SPRYD3: variants seen among roughly 807,000 people sequenced by gnomAD.
SPRYD3 encodes SPRY domain containing 3, also known as SPRY domain-containing protein 3.
In SPRYD3, 17 loss-of-function variants were observed where a neutral mutation model predicts 50.1. The observed-to-expected ratio is 0.34, with a 90% confidence interval of 0.23 to 0.51. SPRYD3 has a LOEUF of 0.51. Among genes scored for constraint, SPRYD3 ranks in the 20% least tolerant of loss-of-function variants. The pLI is 0.97. For synonymous variants in SPRYD3, 198 were observed against 215.5 expected, an observed-to-expected ratio of 0.92 and a Z score of 0.71; for missense variants, 401 against 591.2, an observed-to-expected ratio of 0.68 and a Z score of 3.34.
chr12:53,068,068 G>T, intron 7 of SPRYD3, 87 bp downstream of exon 7: 1 of 1,512,850 alleles, frequency 6.6e-7, no homozygotes, highest in Non-Finnish European at 9.1e-7. Flanking sequence ...GGCTCCCCTG[G>T]TTTCTCCTAA....
chr12:53,066,273 A>G, intron 10 of SPRYD3, 41 bp downstream of exon 10: 1 of 1,598,892 alleles, frequency 6.3e-7, no homozygotes, highest in Non-Finnish European at 8.5e-7. Flanking sequence ...CTTTGCCCAG[A>G]CCCAAAAACC....
intron 8 of SPRYD3, 54 bp downstream of exon 8, chr12:53,067,594 C>T (rs1408139885): frequency 1.9e-6 from 3 of 1,540,476 alleles, no homozygotes; most frequent in African/African-American, 2.7e-5. Flanking sequence ...GTGGATGTCC[C>T]TATGCCTCCA....
chr12:53,076,201 C>T (rs1457813543), intron 2 of SPRYD3, among the ~76,000 whole-genome samples: 1 of 152,208 alleles, frequency 6.6e-6, no homozygotes, highest in Admixed American at 6.5e-5. Flanking sequence ...GGTCTCTATC[C>T]TCTTTACCAA....
Position 53,074,721 on chromosome 12 carries a change from A to G in SPRYD3, c.435T>C (p.Ile145=). 6.2e-7 allele frequency: 1 copy of G among 1,614,272 alleles called. No individual in the cohort carries two copies. The highest frequency in any genetic ancestry group is 8.5e-7 in the Non-Finnish European group (1 of 1,180,052). ...FGSKCNSGDR[I]GCGIEPVSFD... ...AGGACACAGGCTCAATGCCACAGCC[A>G]ATCCGGTCCCCGGAGTTGCACTTTG... The change falls in exon 5 of 11, where the codon ATT becomes ATC. Residue 145 remains isoleucine, a synonymous_variant. Transcript: ENST00000301463. The surrounding 1 kb of genome is among the most constrained non-coding windows in gnomAD (Gnocchi z 4.6).
chr12:53,072,275 G>A (rs1438493105), intron 6 of SPRYD3, among the ~76,000 whole-genome samples: 3 of 152,178 alleles, frequency 2.0e-5, no homozygotes, highest in African/African-American at 7.2e-5. Context: ...AGACGGGGGT[G>A]CAGAGTGTCA....
chr12:53,071,406 G>A (rs904784093), intron 6 of SPRYD3, among the ~76,000 whole-genome samples: 2 of 152,122 alleles, frequency 1.3e-5, no homozygotes, highest in African/African-American at 4.8e-5. Flanking sequence ...ACCTCACTTT[G>A]CGAGGCCTGG....
intron 10 of SPRYD3, 21 bp from the exon 11 acceptor site, chr12:53,065,987 A>C: frequency 6.2e-7 from 1 of 1,607,974 alleles, no homozygotes; most frequent in Non-Finnish European, 8.5e-7. Context: ...GGTGGGGAGA[A>C]GAATGGAGCA....
chr12:53,078,577 A>G (rs1287683885), intron 1 of SPRYD3, among the ~76,000 whole-genome samples: 1 of 152,088 alleles, frequency 6.6e-6, no homozygotes, highest in Non-Finnish European at 1.5e-5. Context: ...TCAAGAACAG[A>G]TGTGGGCAAA....
At chr12:53,069,519 C>T (rs901595691) in intron 6 of SPRYD3, among the ~76,000 whole-genome samples, 1 of 152,218 alleles carries the variant, frequency 6.6e-6, no homozygotes, top group Non-Finnish European at 1.5e-5. Context: ...GAGCGGGGTG[C>T]TACTAACCCC....
rs201329663 is a variant in SPRYD3 at position 53,065,970 on chromosome 12, G to C, written c.1195-4C>G. The C allele has an allele frequency of 6.2e-7, 1 of 1,611,564 alleles. No homozygotes were observed. ...TGCCATTCCGAGTGAAGAAAACCTG[G>C]GGAGGAGGTGGGGAGAAGAATGGAG... is the stretch of plus-strand genomic sequence containing the variant. On this transcript the variant is annotated splice_region_variant and splice_polypyrimidine_tract_variant and intron_variant, in intron 10 of 10. Coordinates refer to ENST00000301463, the MANE Select transcript of SPRYD3 (RefSeq NM_032840.3).
intron 6 of SPRYD3, chr12:53,073,081 A>C: frequency 2.2e-6 from 1 of 464,056 alleles, no homozygotes; most frequent in Non-Finnish European, 3.9e-6. Context: ...AAGAGGAGGA[A>C]GTGAAGAAAA....
At chr12:53,073,660 C>T (rs1039435516) in intron 5 of SPRYD3, among the ~76,000 whole-genome samples, 189 bp from the exon 6 acceptor site, 2 of 151,798 alleles carry the variant, frequency 1.3e-5, no homozygotes, top group Non-Finnish European at 2.9e-5. Context: ...CTGGCTAACA[C>T]GGTGAAACCC....
rs1565618468 is a variant in SPRYD3, at chr12:53,074,579, T to G, written c.507+70A>C. On this transcript the variant is annotated intron_variant, in intron 5 of 10. Coordinates refer to ENST00000301463, the MANE Select transcript of SPRYD3 (RefSeq NM_032840.3). This position sits in a 1 kb window ranked among gnomAD's most constrained non-coding sequence, Gnocchi z 4.6. ...GGGCAAGCCCCAGCCAGCAGACTCT[T>G]CCTAATCACTCCCCACAAATCCTTG... is the stretch of plus-strand genomic sequence containing the variant. The G allele has an allele frequency of 2.5e-6, 4 of 1,598,626 alleles. No individual in the cohort carries two copies. The highest frequency in any genetic ancestry group is 2.2e-5 in the East Asian group (1 of 44,810).
At chr12:53,072,067 A>G (rs1944553737) in intron 6 of SPRYD3, among the ~76,000 whole-genome samples, 1 of 152,212 alleles carries the variant, frequency 6.6e-6, no homozygotes, top group Non-Finnish European at 1.5e-5. Context: ...AGGCAGAGAA[A>G]GGATGCCAGG....
intron 6 of SPRYD3, among the ~76,000 whole-genome samples, chr12:53,068,919 G>A (rs886554161): frequency 1.6e-4 from 24 of 152,138 alleles, no homozygotes; most frequent in African/African-American, 4.8e-4. Flanking sequence ...GGAGCCCAGG[G>A]ACCCAGAACG....
intron 5 of SPRYD3, among the ~76,000 whole-genome samples, chr12:53,073,745 G>A (rs1406197687): frequency 6.6e-6 from 1 of 151,832 alleles, no homozygotes; most frequent in Non-Finnish European, 1.5e-5. Context: ...TCGGGAGGCT[G>A]AGGCAGGAGA....
rs148426166 is a variant in SPRYD3 at position 53,078,353 on chromosome 12, G to T, written c.23+958C>A. 2.5e-3 allele frequency among the ~76,000 whole-genome samples: 383 copies of T among 152,032 alleles called. 2 individuals carry two copies. The highest frequency in any genetic ancestry group is 8.8e-3 in the African/African-American group (364 of 41,426). On this transcript the variant is annotated intron_variant, in intron 1 of 10. Coordinates refer to ENST00000301463, the MANE Select transcript of SPRYD3 (RefSeq NM_032840.3). Reference sequence around the variant, plus strand: ...AATACAAACAAATTAGCCAGGCGTGGTGGTGCGCACCTGTAATCCCAGCTA... The same window carrying T: ...AATACAAACAAATTAGCCAGGCGTGTTGGTGCGCACCTGTAATCCCAGCTA...
At chr12:53,067,581 A>C in intron 8 of SPRYD3, 67 bp downstream of exon 8, 1 of 1,487,258 alleles carries the variant, frequency 6.7e-7, no homozygotes. Flanking sequence ...AGGAGAGGGG[A>C]AAGTGGATGT....
chr12:53,075,890 T>TGCAGGGTAAGGGTGGG, intron 2 of SPRYD3, 79 bp from the exon 3 acceptor site: 2 of 1,140,884 alleles, frequency 1.8e-6, no homozygotes, highest in Non-Finnish European at 2.6e-6. Context: ...CTCCCACCCT[T>TGCAGGGTAAGGGTGGG]ACCCTGCAAG....
Sources: allele counts gnomAD v4.1 joint callset (sites outside exome capture counted in the v4.1 genomes callset), GRCh38; gene constraint gnomAD v4.1.1; non-coding constraint Gnocchi (gnomAD v3.1); transcripts MANE v1.5; gene names NCBI Gene and HGNC (gene_info 2026-07-23, HGNC 2026-07-21).